IGF1R: variants seen among roughly 807,000 people sequenced by gnomAD.
IGF1R encodes insulin-like growth factor 1 receptor.
In IGF1R, 44 loss-of-function variants were observed where a neutral mutation model predicts 144.6. That is an observed-to-expected ratio of 0.30 (90% confidence interval 0.24 to 0.39). IGF1R has a LOEUF of 0.39. Among genes scored for constraint, IGF1R ranks in the 10% least tolerant of loss-of-function variants. The probability of loss-of-function intolerance (pLI) is 1.00; values close to 1 mark genes in which losing one functional copy is unlikely to be tolerated. For synonymous variants in IGF1R, 795 were observed against 722.8 expected (o/e 1.10, Z -1.60); for missense variants, 1,355 against 1,833.7 (o/e 0.74, Z 4.77).
rs1383579132 is a variant in IGF1R, at chr15:98,930,100, G to T, written c.2886-135G>T. 7 of 728,806 alleles carry T rather than the reference G, an allele frequency of 9.6e-6. No individual in the cohort carries two copies. In the East Asian group the frequency reaches 1.6e-4, roughly 17 times the overall value. The allele number at this position is 728,806 out of a possible 1,614,324, so 45.1% of individuals were successfully genotyped here. On this transcript the variant is annotated intron_variant, in intron 14 of 20. Transcript: ENST00000650285. ...GGGAGTGTAGACAAGAGCTGCTGTAGACAGTAAGCTCTCCCCATTCTGTTC... is the reference window on the plus strand; with the variant it reads ...GGGAGTGTAGACAAGAGCTGCTGTATACAGTAAGCTCTCCCCATTCTGTTC...
chr15:98,888,438 A>AGAGT lies in IGF1R; in HGVS notation c.641-2886_641-2885insAGTG, dbSNP rs1555457179. Among the ~76,000 whole-genome samples the AGAGT allele has an allele frequency of 1.3e-3, 187 of 143,454 alleles. 1 individual carries two copies. The highest frequency in any genetic ancestry group is 4.6e-3 in the African/African-American group (180 of 38,778). The allele number at this position is 143,454 out of a possible 152,430, so 94.1% of individuals were successfully genotyped here. Reference sequence around the variant, plus strand: ...TGGGGGTTTGATGAGAGAGAGAGAGAGTGTGTGTGTGTGTGTGTGTGTGTG... The same window carrying AGAGT: ...TGGGGGTTTGATGAGAGAGAGAGAGAGAGTGTGTGTGTGTGTGTGTGTGTGTGTG... On this transcript the variant is annotated intron_variant, in intron 2 of 20. Coordinates refer to ENST00000650285, the MANE Select transcript of IGF1R (RefSeq NM_000875.5).
intron 2 of IGF1R, among the ~76,000 whole-genome samples, chr15:98,733,894 A>AT (rs1009375656): frequency 2.0e-5 from 3 of 152,074 alleles, no homozygotes; most frequent in South Asian, 4.2e-4. Flanking sequence ...TATCTAGATA[A>AT]TTTAGTACAT....
At chr15:98,943,507 C>T (rs1322425329) in intron 19 of IGF1R, among the ~76,000 whole-genome samples, 1 of 152,162 alleles carries the variant, frequency 6.6e-6, no homozygotes, top group Non-Finnish European at 1.5e-5. Context: ...TCCTGCTGGT[C>T]CCATCTGCTG....
At position 98,956,413 on chromosome 15, in the gene IGF1R, C is replaced by T. The variant is rs186921979; in HGVS notation, c.3723-648C>T. On this transcript the variant is annotated intron_variant, in intron 20 of 20. Transcript: ENST00000650285. Reference sequence around the variant, plus strand: ...TTTGGTCCAGAACAGCCTGGCTCATCGGCTGGGGCTTGCTTGTGCAGGGCT... The same window carrying T: ...TTTGGTCCAGAACAGCCTGGCTCATTGGCTGGGGCTTGCTTGTGCAGGGCT... Among the ~76,000 whole-genome samples the T allele has an allele frequency of 1.9e-4, 29 of 152,364 alleles. No individual in the cohort carries two copies. The East Asian group carries it at 4.2e-3, about 22-fold the overall frequency.
rs71149411 is a variant in IGF1R, at chr15:98,680,864, C to CTTTT, written c.95-26686_95-26683dup. 5.3e-4 allele frequency among the ~76,000 whole-genome samples: 76 copies of CTTTT among 142,550 alleles called. 2 individuals are homozygous for CTTTT. Among genetic ancestry groups the CTTTT allele is most frequent in the Admixed American group, 9.0e-4 (13 of 14,366 alleles). 93.5% of individuals were successfully genotyped at this position (142,550 alleles called of 152,430 possible). A position where few individuals can be genotyped will look rare whatever the true frequency, so the allele number is the denominator to read the frequency against. ...ATAGGTGTGAGCCTGGCCATATGTA[C>CTTTT]TTTTTTTTTTTTTTTATCCTTCTTA... On this transcript the variant is annotated intron_variant, in intron 1 of 20. Coordinates refer to ENST00000650285, the MANE Select transcript of IGF1R (RefSeq NM_000875.5).
intron 1 of IGF1R, among the ~76,000 whole-genome samples, chr15:98,698,060 A>G (rs1207750275): frequency 2.5e-5 from 3 of 120,478 alleles, no homozygotes; most frequent in Admixed American, 9.3e-5. Context: ...TTTTTAAGAG[A>G]TGGAGTCTTG....
At chr15:98,719,247 A>G (rs1441982246) in intron 2 of IGF1R, among the ~76,000 whole-genome samples, 1 of 152,194 alleles carries the variant, frequency 6.6e-6, no homozygotes, top group Admixed American at 6.5e-5. Context: ...CAGCAGCTGA[A>G]TGCAGAAGTG....
Position 98,886,395 on chromosome 15 carries a change from T to G in IGF1R, c.641-4930T>G, listed in dbSNP as rs541670145. ...CTTTTAGTGGTGGATGTGGGACATG[T>G]TAGCTTTTCCAACAGTTTAGATGGG... On this transcript the variant is annotated intron_variant, in intron 2 of 20. Coordinates refer to ENST00000650285, the MANE Select transcript of IGF1R (RefSeq NM_000875.5). 2.6e-5 allele frequency among the ~76,000 whole-genome samples: 4 copies of G among 152,318 alleles called. No homozygotes were observed. In the East Asian group the frequency reaches 7.7e-4, roughly 29 times the overall value.
At chr15:98,778,280 G>A (rs1286643888) in intron 2 of IGF1R, among the ~76,000 whole-genome samples, 2 of 152,210 alleles carry the variant, frequency 1.3e-5, no homozygotes, top group Admixed American at 6.5e-5. Context: ...TTTGAGGCAT[G>A]TTCTATCTGT....
intron 2 of IGF1R, among the ~76,000 whole-genome samples, chr15:98,746,244 A>G (rs907389459): frequency 6.6e-6 from 1 of 152,218 alleles, no homozygotes; most frequent in Non-Finnish European, 1.5e-5. Flanking sequence ...TAGGTGGGGA[A>G]ACATCTAGGT....
At chr15:98,655,892 A>G (rs983151599) in intron 1 of IGF1R, among the ~76,000 whole-genome samples, 9 of 152,174 alleles carry the variant, frequency 5.9e-5, no homozygotes, top group African/African-American at 1.9e-4. Context: ...TTTTTAGTAC[A>G]GACGAGGTTT....
intron 2 of IGF1R, among the ~76,000 whole-genome samples, chr15:98,852,489 G>A (rs1338872924): frequency 6.6e-5 from 10 of 152,252 alleles, no homozygotes; most frequent in Admixed American, 6.5e-4. Context: ...GCAGCGACTG[G>A]CTGGAGTGTC....
intron 5 of IGF1R, among the ~76,000 whole-genome samples, chr15:98,902,870 G>C (rs2014553693): frequency 6.6e-6 from 1 of 152,132 alleles, no homozygotes; most frequent in African/African-American, 2.4e-5. Context: ...TTTCCAAAAT[G>C]TCACTGAGAT....
intron 2 of IGF1R, among the ~76,000 whole-genome samples, chr15:98,860,485 T>C (rs954273980): frequency 1.3e-5 from 2 of 152,378 alleles, no homozygotes; most frequent in African/African-American, 2.4e-5. Flanking sequence ...GAACTGAGAC[T>C]ACTGCACCAG....
chr15:98,953,285 G>T (rs950524401), intron 20 of IGF1R, among the ~76,000 whole-genome samples: 2 of 152,136 alleles, frequency 1.3e-5, no homozygotes, highest in Admixed American at 6.6e-5. Context: ...AGGACTCCGT[G>T]GTCCCCAAGC....
At chr15:98,901,324 C>T (rs573687766) in intron 5 of IGF1R, among the ~76,000 whole-genome samples, 38 of 152,348 alleles carry the variant, frequency 2.5e-4, no homozygotes, top group African/African-American at 8.9e-4. Flanking sequence ...TCCAGCCTTT[C>T]ATTCCTGCGT....
intron 2 of IGF1R, among the ~76,000 whole-genome samples, chr15:98,726,712 AT>A (rs756622481): frequency 0.03 from 2,794 of 93,080 alleles, 45 homozygotes; most frequent in African/African-American, 0.093. Flanking sequence ...TACATTGATG[AT>A]TTTTTTTTTT....
rs867582192 is a variant in IGF1R at position 98,868,344 on chromosome 15, A to G, written c.641-22981A>G. Among the ~76,000 whole-genome samples the G allele has an allele frequency of 3.3e-3, 442 of 132,852 alleles. 7 individuals are homozygous for G. The highest frequency in any genetic ancestry group is 0.011 in the African/African-American group (427 of 37,624). 87.2% of individuals were successfully genotyped at this position (132,852 alleles called of 152,430 possible). ...CTTGTCTCCAAAAAAAAAAAAAAAA[A>G]GCCAAATCTGTTGGGTTTTTTTTTT... On this transcript the variant is annotated intron_variant, in intron 2 of 20. Coordinates refer to ENST00000650285, the MANE Select transcript of IGF1R (RefSeq NM_000875.5).
chr15:98,914,971 C>A (rs1284279873), intron 8 of IGF1R, among the ~76,000 whole-genome samples: 1 of 152,162 alleles, frequency 6.6e-6, no homozygotes, highest in African/African-American at 2.4e-5. Context: ...AAGTATCATC[C>A]CTTAAAGATG....
Sources: gnomAD v4.1 joint callset for allele counts (sites outside exome capture counted in the v4.1 genomes callset) on GRCh38, gnomAD v4.1.1 for gene constraint, MANE v1.5 for transcripts, NCBI Gene and HGNC (gene_info 2026-07-23, HGNC 2026-07-21) for gene names.